TLR1: variants seen among roughly 807,000 people sequenced by gnomAD.
The protein encoded by TLR1 is toll-like receptor 1.
TLR1 carries 19 observed loss-of-function variants against 20.2 expected under a neutral mutation model. The ratio of observed to expected loss-of-function variants is 0.94; its 90% CI spans 0.66 to 1.38. The LOEUF (loss-of-function observed/expected upper bound fraction) is 1.38. TLR1 is among the 40% of genes most tolerant of loss of function. The probability of loss-of-function intolerance (pLI) is 0.00; values close to 1 mark genes in which losing one functional copy is unlikely to be tolerated. For missense variants in TLR1, 921 were observed against 910.0 expected, an observed-to-expected ratio of 1.01 and a Z score of -0.16; for synonymous variants, 320 against 334.5, an observed-to-expected ratio of 0.96 and a Z score of 0.47.
intron 3 of TLR1, among the ~76,000 whole-genome samples, chr4:38,799,373 G>A (rs1364031265): frequency 2.0e-5 from 3 of 152,196 alleles, no homozygotes; most frequent in Non-Finnish European, 4.4e-5. Context: ...AGAAGGCCTT[G>A]TGACAGTGGA....
rs115753122 is a variant in TLR1 at position 38,801,983 on chromosome 4, G to A, written c.-159-1035C>T. On this transcript the variant is annotated intron_variant, in intron 2 of 3. Coordinates refer to ENST00000308979, the MANE Select transcript of TLR1 (RefSeq NM_003263.4). ...AGGCTGAGATAGGTGGATCACTTGA[G>A]GTCGGGAGTTTGAGACTAGTCTGGC... Among the ~76,000 whole-genome samples the A allele has an allele frequency of 9.7e-3, 1,478 of 152,302 alleles. 31 individuals carry two copies. Among genetic ancestry groups the A allele is most frequent in the African/African-American group, 0.034 (1,405 of 41,544 alleles).
At position 38,796,734 on chromosome 4, in the gene TLR1, T is replaced by G. The variant is rs1314692085; in HGVS notation, c.2098A>C (p.Asn700His). The G allele has an allele frequency of 6.2e-7, 1 of 1,614,194 alleles. No homozygotes were observed. The highest frequency in any genetic ancestry group is 1.7e-5 in the Admixed American group (1 of 60,012). Reference protein sequence around the residue: ...SYKSIFVLSPNFVQSEWCHYE... With the variant: ...SYKSIFVLSPHFVQSEWCHYE... ...TGGCACCATTCACTCTGGACAAAGT[T>G]GGGAGACAAAACAAAGATGGACTTG... is the stretch of plus-strand genomic sequence containing the variant. Residue 700 changes from asparagine (N) to histidine (H), a missense_variant, in exon 4 of 4, where the codon AAC becomes CAC. Physicochemically the swap from Asn to His is moderately conservative, Grantham distance 68. Coordinates refer to ENST00000308979, the MANE Select transcript of TLR1 (RefSeq NM_003263.4).
rs1387175584 is a variant in TLR1, at chr4:38,798,565, GA to G, written c.266del (p.Phe89SerfsTer18). Reference protein sequence around the residue: ...NRIQYLDISVFKFNQELEYLD... With the variant: ...NRIQYLDISVXKFNQELEYLD... ...AGTATTCCAATTCCTGGTTGAATTTGAAAACACTGATATCAAGATACTGGAT... is the reference window on the plus strand; with the variant it reads ...AGTATTCCAATTCCTGGTTGAATTTGAAACACTGATATCAAGATACTGGAT... On this transcript the variant is annotated frameshift_variant, in exon 4 of 4. Coordinates refer to ENST00000308979, the MANE Select transcript of TLR1 (RefSeq NM_003263.4). LOFTEE classifies it low-confidence loss of function (END_TRUNC). 2.7e-5 allele frequency: 43 copies of G among 1,614,010 alleles called. No individual in the cohort carries two copies. Among genetic ancestry groups the G allele is most frequent in the Non-Finnish European group, 3.5e-5 (41 of 1,180,012 alleles).
At chr4:38,805,120 C>G (rs1726937140), upstream of TLR1, 1 of 152,240 alleles carries the variant, frequency 6.6e-6, no homozygotes, top group Non-Finnish European at 1.5e-5. Flanking sequence ...ACCGTGGTGG[C>G]TATGCTTGGC....
chr4:38,800,672 C>T (rs1309245157), intron 3 of TLR1, 185 bp downstream of exon 3: 3 of 152,604 alleles, frequency 2.0e-5, no homozygotes, highest in African/African-American at 4.8e-5. Context: ...TCCCCTAGAA[C>T]CATTAGACAA....
chr4:38,797,818 C>T lies in TLR1; in HGVS notation c.1014G>A (p.Met338Ile). The T allele has an allele frequency of 6.2e-7, 1 of 1,614,100 alleles. No homozygotes were observed. The highest frequency in any genetic ancestry group is 8.5e-7 in the Non-Finnish European group (1 of 1,179,976). ...TTTTGGATGGGCAAAGCATGTGGAC[C>T]ATGCGTGTACCAGACACTGTGAAAT... is the stretch of plus-strand genomic sequence containing the variant. ...IKNFTVSGTR[M>I]VHMLCPSKIS... is the part of the protein sequence containing the mutation. The change falls in exon 4 of 4, where the codon ATG becomes ATA. Residue 338 changes from methionine (M) to isoleucine (I), a missense_variant. Coordinates refer to ENST00000308979, the MANE Select transcript of TLR1 (RefSeq NM_003263.4).
At chr4:38,802,879 C>G (rs993866085) in intron 2 of TLR1, among the ~76,000 whole-genome samples, 1 of 152,304 alleles carries the variant, frequency 6.6e-6, no homozygotes, top group Non-Finnish European at 1.5e-5. Context: ...TCCCTTGGCT[C>G]TAAGCCACTA....
chr4:38,787,679 T>G (rs561216535), downstream of TLR1, among the ~76,000 whole-genome samples: 6 of 152,286 alleles, frequency 3.9e-5, no homozygotes, highest in South Asian at 1.0e-3. Context: ...ACATTCTTTT[T>G]TTATATAATG....
chr4:38,804,362 T>C lies in TLR1; in HGVS notation c.-216A>G, dbSNP rs5743565. The stretch of plus-strand genomic sequence containing the variant: ...GCATTGCCTCCGGGAGTAACTGACT[T>C]ATATCTCATTTTCTTTAACACTGAG... On this transcript the variant is annotated 5_prime_UTR_variant, in exon 2 of 4. It adds an upstream start codon to the 5' untranslated region. Transcript: ENST00000308979. 22,259 of 152,276 alleles carry C rather than the reference T, an allele frequency of 0.15. 2,250 individuals are homozygous for C. Among genetic ancestry groups the C allele is most frequent in the East Asian group, 0.4 (2,084 of 5,164 alleles). 9.4% of individuals were successfully genotyped at this position (152,276 alleles called of 1,614,324 possible).
At chr4:38,799,217 GATAAT>G (rs1430643332) in intron 3 of TLR1, among the ~76,000 whole-genome samples, 1 of 152,206 alleles carries the variant, frequency 6.6e-6, no homozygotes, top group Non-Finnish European at 1.5e-5. Context: ...TCTTTGCAGA[GATAAT>G]AAAGTTAAGG....
chr4:38,802,382 G>A (rs376899071), intron 2 of TLR1, among the ~76,000 whole-genome samples: 1 of 152,164 alleles, frequency 6.6e-6, no homozygotes, highest in Non-Finnish European at 1.5e-5. Context: ...AGGCAAAATG[G>A]CGGACTTCAA....
Position 38,798,852 on chromosome 4 carries a change from T to C in TLR1, c.-21A>G. On this transcript the variant is annotated 5_prime_UTR_variant, in exon 4 of 4. Coordinates refer to ENST00000308979, the MANE Select transcript of TLR1 (RefSeq NM_003263.4). The stretch of plus-strand genomic sequence containing the variant: ...GTCATTTTGGAACACTAGACATTCC[T>C]AAAGGTAGAAGCTGTTCTTCAGATC... The C allele has an allele frequency of 6.5e-7, 1 of 1,538,000 alleles. No homozygotes were observed. The highest frequency in any genetic ancestry group is 1.2e-5 in the South Asian group (1 of 80,612).
At chr4:38,800,345 A>G (rs1245494355) in intron 3 of TLR1, 2 of 152,166 alleles carry the variant, frequency 1.3e-5, no homozygotes, top group Admixed American at 1.3e-4. Flanking sequence ...AAATGATGAG[A>G]GGGTGGAGAA....
At position 38,803,926 on chromosome 4, in the gene TLR1, T is replaced by C. The variant is rs5743570; in HGVS notation, c.-160+380A>G. Among the ~76,000 whole-genome samples the C allele has an allele frequency of 3.2e-3, 493 of 152,328 alleles. 4 individuals are homozygous for C. The highest frequency in any genetic ancestry group is 0.011 in the African/African-American group (441 of 41,578). ...TTAATTTGTCTTCTTTTGGAGACTT[T>C]GGAGGCATCAAATCAAGGCTTTGAC... On this transcript the variant is annotated intron_variant, in intron 2 of 3. Coordinates refer to ENST00000308979, the MANE Select transcript of TLR1 (RefSeq NM_003263.4).
At chr4:38,791,559 C>T (rs759243015), downstream of TLR1, among the ~76,000 whole-genome samples, 5 of 152,252 alleles carry the variant, frequency 3.3e-5, no homozygotes, top group Admixed American at 1.3e-4. Context: ...TTTGTTCATT[C>T]GCTTGTTTAA....
chr4:38,796,375 G>T lies in TLR1; in HGVS notation c.*96C>A. The stretch of plus-strand genomic sequence containing the variant: ...TTACCTACATCATACACTCACAATT[G>T]TGTTTACATCTATGCTGATGCAAAA... On this transcript the variant is annotated 3_prime_UTR_variant, in exon 4 of 4. Transcript: ENST00000308979. The T allele has an allele frequency of 7.4e-7, 1 of 1,353,036 alleles. No individual in the cohort carries two copies. Among genetic ancestry groups the T allele is most frequent in the Non-Finnish European group, 1.0e-6 (1 of 987,486 alleles). The allele number at this position is 1,353,036 out of a possible 1,614,324, so 83.8% of individuals were successfully genotyped here.
rs1484023004 is a variant in TLR1 at position 38,796,533 on chromosome 4, G to C, written c.2299C>G (p.Leu767Val). The C allele has an allele frequency of 5.6e-6, 9 of 1,614,120 alleles. No homozygotes were observed. Among genetic ancestry groups the C allele is most frequent in the Non-Finnish European group, 7.6e-6 (9 of 1,180,012 alleles). Residue 767 changes from leucine (L) to valine (V), a missense_variant, in exon 4 of 4, where the codon CTT becomes GTT. By Grantham distance (32) the Leu-to-Val change is conservative. Transcript: ENST00000308979. The stretch of plus-strand genomic sequence containing the variant: ...GCTGCCCTTAAGTTAGCCCAAAAAA[G>C]GCCACGTTTGCTCTTTTCCTTGGGC... ...EWPKEKSKRGLFWANLRAAIN... is the reference protein window; with the variant it reads ...EWPKEKSKRGVFWANLRAAIN...
At chr4:38,792,233 T>C (rs1406640925), downstream of TLR1, among the ~76,000 whole-genome samples, 1 of 152,216 alleles carries the variant, frequency 6.6e-6, no homozygotes, top group Non-Finnish European at 1.5e-5. Context: ...ATAACCTTTA[T>C]TTATTCTCTA....
chr4:38,799,673 C>A (rs926460919), intron 3 of TLR1, among the ~76,000 whole-genome samples: 4 of 152,294 alleles, frequency 2.6e-5, no homozygotes, highest in Admixed American at 6.5e-5. Context: ...TACATCTCCC[C>A]ATGACTTTCT....
Sources: allele counts gnomAD v4.1 joint callset (sites outside exome capture counted in the v4.1 genomes callset), GRCh38; gene constraint gnomAD v4.1.1; transcripts MANE v1.5; gene names NCBI Gene and HGNC (gene_info 2026-07-23, HGNC 2026-07-21).